The following UNC5C variants were observed in gnomAD, a reference collection of about 807,000 sequenced individuals.
UNC5C encodes netrin receptor UNC5C.
A neutral mutation model predicts 99.8 loss-of-function variants in UNC5C; 47 were observed. The ratio of observed to expected loss-of-function variants is 0.47; its 90% confidence interval spans 0.37 to 0.60. The LOEUF (loss-of-function observed/expected upper bound fraction) is 0.60. Among genes scored for constraint, UNC5C ranks in the 20% least tolerant of loss-of-function variants. UNC5C has a pLI of 0.00. For synonymous variants in UNC5C, 487 were observed against 452.2 expected, an observed-to-expected ratio of 1.08 and a Z score of -0.98; for missense variants, 1,062 against 1,165.9, an observed-to-expected ratio of 0.91 and a Z score of 1.30.
intron 12 of UNC5C, among the ~76,000 whole-genome samples, chr4:95,192,143 TC>T (rs1178349818): frequency 2.0e-4 from 25 of 123,320 alleles, no homozygotes; most frequent in African/African-American, 7.9e-4. Flanking sequence ...CCTCCCATGC[TC>T]ACCTCTTCTG....
At chr4:95,442,259 G>T (rs1280527278) in intron 1 of UNC5C, among the ~76,000 whole-genome samples, 4 of 151,868 alleles carry the variant, frequency 2.6e-5, no homozygotes, top group African/African-American at 9.7e-5. Context: ...CTGGAGTGCA[G>T]TGGTGTGATC....
chr4:95,474,831 C>A (rs182909712), intron 1 of UNC5C, among the ~76,000 whole-genome samples: 4 of 152,060 alleles, frequency 2.6e-5, no homozygotes, highest in African/African-American at 7.2e-5. Context: ...ATTCCAGAAG[C>A]CTGTCTTGTG....
intron 14 of UNC5C, among the ~76,000 whole-genome samples, chr4:95,174,258 T>G (rs1185784657): frequency 1.3e-5 from 2 of 151,934 alleles, no homozygotes; most frequent in Admixed American, 6.6e-5. Flanking sequence ...CTGCTCTGAT[T>G]TTAGTTATTT....
intron 4 of UNC5C, among the ~76,000 whole-genome samples, chr4:95,264,805 T>C (rs1464257732): frequency 1.3e-5 from 2 of 152,234 alleles, no homozygotes; most frequent in Non-Finnish European, 2.9e-5. Flanking sequence ...TTCTCTTCTC[T>C]ATGGCAAACA....
chr4:95,185,169 C>CCAT lies in UNC5C; in HGVS notation c.2161_2163dup (p.Met721dup). 3 of 1,612,412 alleles carry CCAT rather than the reference C, an allele frequency of 1.9e-6. No homozygotes were observed. Among genetic ancestry groups the CCAT allele is most frequent in the Non-Finnish European group, 2.5e-6 (3 of 1,179,514 alleles). On this transcript the variant is annotated inframe_insertion, in exon 13 of 16. Coordinates refer to ENST00000453304, the MANE Select transcript of UNC5C (RefSeq NM_003728.4). Reference sequence around the variant, plus strand: ...TTAGGTTCTTCTAGGAGCTGTCCTCCCATCTGTCTCTCAAGATGTAAAATT... The same window carrying CCAT: ...TTAGGTTCTTCTAGGAGCTGTCCTCCCATCATCTGTCTCTCAAGATGTAAAATT...
chr4:95,341,767 G>A (rs1743589046), intron 1 of UNC5C, among the ~76,000 whole-genome samples: 1 of 152,128 alleles, frequency 6.6e-6, no homozygotes, highest in Non-Finnish European at 1.5e-5. Context: ...ATGTAGGAAA[G>A]ACAGTCTTGA....
In UNC5C at chr4:95,229,833, G is replaced by A. The variant is rs531113557; in HGVS notation, c.1109-9657C>T. 2.8e-3 allele frequency among the ~76,000 whole-genome samples: 287 copies of A among 102,956 alleles called. 2 individuals carry two copies. The highest frequency in any genetic ancestry group is 3.9e-3 in the Non-Finnish European group (215 of 54,848). 67.5% of individuals were successfully genotyped at this position (102,956 alleles called of 152,430 possible). ...TTTTTTTTTTTTTTTTTTTTGAGACGGAGTTTCACTCTCATTGCCCAGGCT... is the reference window on the plus strand; with the variant it reads ...TTTTTTTTTTTTTTTTTTTTGAGACAGAGTTTCACTCTCATTGCCCAGGCT... On this transcript the variant is annotated intron_variant, in intron 7 of 15. Coordinates refer to ENST00000453304, the MANE Select transcript of UNC5C (RefSeq NM_003728.4).
chr4:95,166,427 C>T lies in UNC5C; in HGVS notation c.*2807G>A, dbSNP rs538757460. On this transcript the variant is annotated 3_prime_UTR_variant, in exon 16 of 16. Transcript: ENST00000453304. ...TTCTGACAGATGAGTACCTCACACA[C>T]GAAATCAATCACTTTTCCCTTTTCT... 2.0e-5 allele frequency: 3 copies of T among 152,270 alleles called. No individual in the cohort carries two copies. The highest frequency in any genetic ancestry group is 2.1e-4 in the South Asian group (1 of 4,828). The allele number at this position is 152,270 out of a possible 1,614,324, so 9.4% of individuals were successfully genotyped here.
intron 12 of UNC5C, 39 bp downstream of exon 12, chr4:95,202,692 G>T: frequency 1.9e-6 from 3 of 1,593,070 alleles, no homozygotes; most frequent in Non-Finnish European, 1.7e-6. Flanking sequence ...TGGCTTCCAG[G>T]TGGAGGTGAA....
intron 1 of UNC5C, among the ~76,000 whole-genome samples, chr4:95,437,417 A>G (rs1746825973): frequency 6.6e-6 from 1 of 151,976 alleles, no homozygotes; most frequent in South Asian, 2.1e-4. Flanking sequence ...TACAAATCAT[A>G]GTATCGTATA....
At position 95,307,164 on chromosome 4, in the gene UNC5C, A is replaced by G. The variant is rs535172888; in HGVS notation, c.347-5415T>C. On this transcript the variant is annotated intron_variant, in intron 2 of 15. Transcript: ENST00000453304. ...TCAGAATCAAGACTTCATGTGTTAC[A>G]TGAAGTCACTTAACAATCTTTAACT... 1.4e-3 allele frequency among the ~76,000 whole-genome samples: 207 copies of G among 152,268 alleles called. 1 individual carries two copies. Among genetic ancestry groups the G allele is most frequent in the African/African-American group, 4.8e-3 (198 of 41,566 alleles).
chr4:95,535,946 A>C (rs922685295), intron 1 of UNC5C, among the ~76,000 whole-genome samples: 4 of 152,054 alleles, frequency 2.6e-5, no homozygotes, highest in African/African-American at 7.2e-5. Context: ...ATATACTTTA[A>C]AAAATGAAAG....
At chr4:95,499,132 T>C (rs1279428986) in intron 1 of UNC5C, among the ~76,000 whole-genome samples, 2 of 152,082 alleles carry the variant, frequency 1.3e-5, no homozygotes, top group African/African-American at 4.8e-5. Context: ...AGGACAGCTA[T>C]CATTCATTAT....
At chr4:95,437,019 CAT>C (rs1411686191) in intron 1 of UNC5C, among the ~76,000 whole-genome samples, 1 of 121,718 alleles carries the variant, frequency 8.2e-6, no homozygotes, top group African/African-American at 3.1e-5. Flanking sequence ...AAAACAGAGA[CAT>C]ATAAAACAGC....
intron 1 of UNC5C, among the ~76,000 whole-genome samples, chr4:95,461,603 T>A (rs1747600901): frequency 6.6e-6 from 1 of 152,234 alleles, no homozygotes; most frequent in African/African-American, 2.4e-5. Context: ...CTATATTTTC[T>A]GGCCATTTGA....
intron 1 of UNC5C, among the ~76,000 whole-genome samples, chr4:95,342,792 G>A (rs538159871): frequency 6.6e-6 from 1 of 151,544 alleles, no homozygotes; most frequent in South Asian, 2.1e-4. Context: ...CCAAAGGGGG[G>A]CCCACTGCCC....
At chr4:95,429,487 A>C (rs1746576188) in intron 1 of UNC5C, among the ~76,000 whole-genome samples, 1 of 152,108 alleles carries the variant, frequency 6.6e-6, no homozygotes, top group Non-Finnish European at 1.5e-5. Flanking sequence ...TAGTTGTTTT[A>C]AGTTGACAGC....
At chr4:95,211,068 A>T (rs1738058705) in intron 10 of UNC5C, among the ~76,000 whole-genome samples, 1 of 152,178 alleles carries the variant, frequency 6.6e-6, no homozygotes, top group Non-Finnish European at 1.5e-5. Flanking sequence ...GAGTGGGTTT[A>T]AGTCCTTGCG....
chr4:95,548,633 C>G (rs1385968780), intron 1 of UNC5C, 101 bp downstream of exon 1: 41 of 1,412,726 alleles, frequency 2.9e-5, no homozygotes, highest in Non-Finnish European at 3.7e-5. Flanking sequence ...TTGAAAGCAA[C>G]GAGGCAAATT....
Sources: allele counts gnomAD v4.1 joint callset (sites outside exome capture counted in the v4.1 genomes callset), GRCh38; gene constraint gnomAD v4.1.1; transcripts MANE v1.5; gene names NCBI Gene and HGNC (gene_info 2026-07-23, HGNC 2026-07-21).